CDH18: variants seen among roughly 807,000 people sequenced by gnomAD.
The protein encoded by CDH18 is cadherin-18.
Under a neutral mutation model 67.9 loss-of-function variants are expected in CDH18, and 31 were observed. The ratio of observed to expected loss-of-function variants is 0.46; its 90% CI spans 0.34 to 0.62. The LOEUF (loss-of-function observed/expected upper bound fraction) is 0.62. CDH18 is among the 20% of genes least tolerant of loss of function. The probability of loss-of-function intolerance (pLI) is 0.01; values close to 1 mark genes in which losing one functional copy is unlikely to be tolerated. For missense variants in CDH18, 890 were observed against 975.5 expected, an observed-to-expected ratio of 0.91 and a Z score of 1.17; for synonymous variants, 362 against 347.2, an observed-to-expected ratio of 1.04 and a Z score of -0.48.
chr5:19,613,151 T>A (rs567709898), intron 5 of CDH18, among the ~76,000 whole-genome samples: 126 of 151,702 alleles, frequency 8.3e-4, no homozygotes, highest in Non-Finnish European at 1.4e-3. Context: ...ACTAAAAAAA[T>A]AATAATAATA....
rs954064110 is a variant in CDH18 at position 19,740,383 on chromosome 5, TA to T, written c.523+6558del. Among the ~76,000 whole-genome samples, 203 of 151,174 alleles carry T rather than the reference TA, an allele frequency of 1.3e-3. 1 individual carries two copies. The highest frequency in any genetic ancestry group is 3.9e-3 in the African/African-American group (162 of 41,290). On this transcript the variant is annotated intron_variant, in intron 4 of 12. Coordinates refer to ENST00000382275, the MANE Select transcript of CDH18 (RefSeq NM_004934.5). ...AAACAACTTCTAGATTTAAAACATT[TA>T]AAAAAAAATGACTGCAATAGAAACA... is the stretch of plus-strand genomic sequence containing the variant.
At chr5:20,539,980 T>C (rs886548698) in intron 1 of CDH18, among the ~76,000 whole-genome samples, 1 of 152,138 alleles carries the variant, frequency 6.6e-6, no homozygotes, top group Admixed American at 6.6e-5. Context: ...TCCAAATATG[T>C]ATTTTTTTAT....
chr5:20,228,964 GGTTAT>G (rs891916847), intron 2 of CDH18, among the ~76,000 whole-genome samples: 57 of 151,978 alleles, frequency 3.8e-4, no homozygotes, highest in African/African-American at 1.1e-3. Context: ...ACTTAAGATG[GGTTAT>G]GTTAAGTCAT....
intron 2 of CDH18, among the ~76,000 whole-genome samples, chr5:19,917,544 T>C (rs759935778): frequency 6.6e-6 from 1 of 152,164 alleles, no homozygotes; most frequent in Non-Finnish European, 1.5e-5. Flanking sequence ...CCCTGCTTAA[T>C]GGTCCTGAGA....
chr5:20,266,853 T>C lies in CDH18; in HGVS notation c.-579-11348A>G, dbSNP rs1330761372. 2.6e-5 allele frequency among the ~76,000 whole-genome samples: 4 copies of C among 152,154 alleles called. No individual in the cohort carries two copies. The East Asian group carries it at 7.8e-4, about 30-fold the overall frequency. ...ATGTTTCAGAGAGTGTCTTATACAA[T>C]TTAGTAAAGGGTAACTTCATGACTA... On this transcript the variant is annotated intron_variant, in intron 1 of 14. Transcript: ENST00000507958.
intron 1 of CDH18, among the ~76,000 whole-genome samples, chr5:20,462,717 A>T (rs1751358362): frequency 6.6e-6 from 1 of 152,184 alleles, no homozygotes; most frequent in African/African-American, 2.4e-5. Context: ...ATTAATAATC[A>T]CTAGAATAAT....
chr5:19,645,902 CATCT>C (rs779272165), intron 5 of CDH18, among the ~76,000 whole-genome samples: 1 of 152,082 alleles, frequency 6.6e-6, no homozygotes, highest in Non-Finnish European at 1.5e-5. Context: ...GAAATAATAT[CATCT>C]ATTAACATTA....
chr5:20,568,552 A>G (rs1298045493), intron 1 of CDH18, among the ~76,000 whole-genome samples: 1 of 152,218 alleles, frequency 6.6e-6, no homozygotes, highest in Non-Finnish European at 1.5e-5. Context: ...TATGAAAAAG[A>G]ATATTAAAAG....
chr5:20,217,370 G>T (rs1304441071), intron 2 of CDH18, among the ~76,000 whole-genome samples: 1 of 151,798 alleles, frequency 6.6e-6, no homozygotes, highest in East Asian at 1.9e-4. Context: ...AAGGGAAAAA[G>T]CAGAGGTTGA....
At chr5:20,537,464 T>G (rs1231293877) in intron 1 of CDH18, among the ~76,000 whole-genome samples, 2 of 152,168 alleles carry the variant, frequency 1.3e-5, no homozygotes, top group African/African-American at 4.8e-5. Flanking sequence ...AAATACATTG[T>G]ACTATCTAAA....
intron 2 of CDH18, among the ~76,000 whole-genome samples, chr5:19,970,605 T>G (rs1218762319): frequency 6.6e-6 from 1 of 151,682 alleles, no homozygotes; most frequent in South Asian, 2.1e-4. Flanking sequence ...TGTAGTGTTG[T>G]GGGTAAACCG....
chr5:20,449,416 A>C (rs895047591), intron 1 of CDH18, among the ~76,000 whole-genome samples: 2 of 152,088 alleles, frequency 1.3e-5, no homozygotes, highest in Admixed American at 6.6e-5. Context: ...AAGACTAAAC[A>C]TACAAGCCCA....
chr5:19,574,281 G>A (rs917877376), intron 7 of CDH18, among the ~76,000 whole-genome samples: 1 of 152,072 alleles, frequency 6.6e-6, no homozygotes, highest in Non-Finnish European at 1.5e-5. Flanking sequence ...TCAGGTTGAC[G>A]ATCATCTAAT....
chr5:19,515,958 C>A (rs1440394471), intron 10 of CDH18, among the ~76,000 whole-genome samples: 2 of 152,092 alleles, frequency 1.3e-5, no homozygotes, highest in African/African-American at 4.8e-5. Flanking sequence ...TAGTTTTTGC[C>A]CATTCAGTAT....
intron 3 of CDH18, among the ~76,000 whole-genome samples, chr5:19,793,856 A>G (rs940364984): frequency 6.6e-6 from 1 of 152,136 alleles, no homozygotes; most frequent in Non-Finnish European, 1.5e-5. Context: ...CTATAGATAT[A>G]CAATTTGAAG....
chr5:19,972,157 T>G (rs985605204), intron 2 of CDH18, among the ~76,000 whole-genome samples: 1 of 126,682 alleles, frequency 7.9e-6, no homozygotes, highest in East Asian at 1.9e-4. Flanking sequence ...GATGAACAAA[T>G]TGAATGAGTT....
chr5:20,223,115 T>C (rs544722462), intron 2 of CDH18, among the ~76,000 whole-genome samples: 1 of 152,190 alleles, frequency 6.6e-6, no homozygotes, highest in East Asian at 1.9e-4. Flanking sequence ...AGACACTCAA[T>C]GCCAACCCGT....
intron 6 of CDH18, among the ~76,000 whole-genome samples, chr5:19,594,150 T>C (rs1745785755): frequency 6.6e-6 from 1 of 151,938 alleles, no homozygotes; most frequent in Non-Finnish European, 1.5e-5. Context: ...CATTTTTTTG[T>C]TTGTTTGTTT....
chr5:20,492,535 A>G (rs1480317701), intron 1 of CDH18, among the ~76,000 whole-genome samples: 1 of 152,198 alleles, frequency 6.6e-6, no homozygotes, highest in Non-Finnish European at 1.5e-5. Flanking sequence ...AATGTTATAC[A>G]TATGAAATAT....
Sources: gnomAD v4.1 joint callset for allele counts (sites outside exome capture counted in the v4.1 genomes callset) on GRCh38, gnomAD v4.1.1 for gene constraint, MANE v1.5 for transcripts, NCBI Gene and HGNC (gene_info 2026-07-23, HGNC 2026-07-21) for gene names.